The following PRKN variants were observed in gnomAD, a reference collection of about 807,000 sequenced individuals.
PRKN encodes parkin RBR E3 ubiquitin protein ligase.
Under a neutral mutation model 59.5 loss-of-function variants are expected in PRKN, and 56 were observed. The observed-to-expected ratio is 0.94, with a 90% CI of 0.76 to 1.18. The LOEUF (loss-of-function observed/expected upper bound fraction) is 1.18, where lower values mean the gene tolerates loss of function less well. Ranked by LOEUF, PRKN falls within the 50% of genes most tolerant of loss-of-function variation. The pLI is 0.00. For synonymous variants in PRKN, 250 were observed against 222.1 expected, an observed-to-expected ratio of 1.13 and a Z score of -1.12; for missense variants, 657 against 596.4, an observed-to-expected ratio of 1.10 and a Z score of -1.06.
chr6:161,447,278 T>C lies in PRKN; in HGVS notation c.1084-60401A>G, dbSNP rs1276009438. Among the ~76,000 whole-genome samples, 1 of 152,168 alleles carries C rather than the reference T, an allele frequency of 6.6e-6. No individual in the cohort carries two copies. The highest frequency in any genetic ancestry group is 1.5e-5 in the Non-Finnish European group (1 of 68,020). The stretch of plus-strand genomic sequence containing the variant: ...CTTCGGTTCTCTCTGACATGCTCAA[T>C]CTAGGGTTTCCCGCGGCTAAACCCT... On this transcript the variant is annotated intron_variant, in intron 9 of 11. Coordinates refer to ENST00000366898, the MANE Select transcript of PRKN (RefSeq NM_004562.3). This position sits in a 1 kb window ranked among gnomAD's most constrained non-coding sequence, Gnocchi z 4.1.
In PRKN at chr6:161,390,763, A is replaced by G. The variant is rs1042053130; in HGVS notation, c.1084-3886T>C. Among the ~76,000 whole-genome samples, 2 of 152,190 alleles carry G rather than the reference A, an allele frequency of 1.3e-5. No individual in the cohort carries two copies. Among genetic ancestry groups the G allele is most frequent in the African/African-American group, 4.8e-5 (2 of 41,424 alleles). On this transcript the variant is annotated intron_variant, in intron 9 of 11. Transcript: ENST00000366898. The surrounding 1 kb of genome is among the most constrained non-coding windows in gnomAD (Gnocchi z 7.0). ...CTCGGCCTCCCAAAGTGCTGGGATT[A>G]CAGGCATGAGCCACCGTGCCTGGCC...
intron 9 of PRKN, among the ~76,000 whole-genome samples, chr6:161,418,602 A>G (rs1469591626): frequency 6.6e-6 from 1 of 152,202 alleles, no homozygotes; most frequent in Admixed American, 6.5e-5. Flanking sequence ...CATTTAGCAC[A>G]AACCATACCC....
rs369395635 is a variant in PRKN, at chr6:162,249,879, T to C, written c.412+12646A>G. On this transcript the variant is annotated intron_variant, in intron 3 of 11. Coordinates refer to ENST00000366898, the MANE Select transcript of PRKN (RefSeq NM_004562.3). ...AACCTTTGTGGGCTAGGTGCAGTGT[T>C]TAACGCCTGTAATCCAGCACTTTGG... is the stretch of plus-strand genomic sequence containing the variant. Among the ~76,000 whole-genome samples, 102 of 152,094 alleles carry C rather than the reference T, an allele frequency of 6.7e-4. 2 individuals are homozygous for C. The South Asian group carries it at 0.02, about 29-fold the overall frequency.
intron 9 of PRKN, among the ~76,000 whole-genome samples, chr6:161,472,440 G>A (rs767082815): frequency 7.2e-5 from 11 of 152,052 alleles, no homozygotes; most frequent in Non-Finnish European, 1.5e-4. Context: ...AATGGTATTG[G>A]GAAAACTGGA....
At chr6:161,824,809 T>C (rs943012483) in intron 6 of PRKN, among the ~76,000 whole-genome samples, 6 of 152,222 alleles carry the variant, frequency 3.9e-5, no homozygotes, top group African/African-American at 1.2e-4. Context: ...TGATTTGACA[T>C]GATATACTAA....
rs796186629 is a variant in PRKN at position 161,435,848 on chromosome 6, T to C, written c.1084-48971A>G. ...GGATTTCCTTTCCTCATGAAGTGTG[T>C]GGTTTCCTCAAGGACTGCCTGGGAG... On this transcript the variant is annotated intron_variant, in intron 9 of 11. Transcript: ENST00000366898. Among the ~76,000 whole-genome samples the C allele has an allele frequency of 4.0e-5, 5 of 126,142 alleles. 1 individual carries two copies. The highest frequency in any genetic ancestry group is 1.6e-4 in the African/African-American group (5 of 31,718). The allele number at this position is 126,142 out of a possible 152,430, so 82.8% of individuals were successfully genotyped here.
At chr6:162,203,181 A>G (rs929055737) in intron 3 of PRKN, among the ~76,000 whole-genome samples, 3 of 152,190 alleles carry the variant, frequency 2.0e-5, no homozygotes, top group African/African-American at 7.2e-5. Flanking sequence ...TCAGCTAATG[A>G]TATATCAACG....
chr6:162,421,203 C>T (rs1325324536), intron 2 of PRKN, among the ~76,000 whole-genome samples: 2 of 152,196 alleles, frequency 1.3e-5, no homozygotes, highest in Non-Finnish European at 2.9e-5. Context: ...AATAACCCTC[C>T]ATCAGGAAGG....
chr6:162,128,834 C>T (rs1224931671), intron 4 of PRKN, among the ~76,000 whole-genome samples: 1 of 152,122 alleles, frequency 6.6e-6, no homozygotes, highest in Non-Finnish European at 1.5e-5. Context: ...AAAGAAGGTG[C>T]CCATCTATGA....
chr6:162,291,147 A>G (rs1353088537), intron 2 of PRKN, among the ~76,000 whole-genome samples: 1 of 152,116 alleles, frequency 6.6e-6, no homozygotes, highest in African/African-American at 2.4e-5. Flanking sequence ...AGAAGAGAGA[A>G]ATGTGGAGGG....
At position 161,889,629 on chromosome 6, in the gene PRKN, A is replaced by T. The variant is rs148819569; in HGVS notation, c.734+83673T>A. On this transcript the variant is annotated intron_variant, in intron 6 of 11. Coordinates refer to ENST00000366898, the MANE Select transcript of PRKN (RefSeq NM_004562.3). ...GATTTGCAGTGAGGGAAGAGTTTTGAATCCTGGTTATGCCGGTAGCCACAG... is the reference window on the plus strand; with the variant it reads ...GATTTGCAGTGAGGGAAGAGTTTTGTATCCTGGTTATGCCGGTAGCCACAG... Among the ~76,000 whole-genome samples the T allele has an allele frequency of 5.2e-4, 79 of 152,348 alleles. 1 individual carries two copies. The highest frequency in any genetic ancestry group is 5.6e-4 in the Non-Finnish European group (38 of 68,036).
At chr6:162,718,240 C>T (rs1778800924) in intron 1 of PRKN, among the ~76,000 whole-genome samples, 1 of 152,144 alleles carries the variant, frequency 6.6e-6, no homozygotes, top group Non-Finnish European at 1.5e-5. Context: ...TCTCAAATAG[C>T]ATCCCCATCC....
At chr6:161,850,946 T>C (rs1037011351) in intron 6 of PRKN, among the ~76,000 whole-genome samples, 2 of 152,200 alleles carry the variant, frequency 1.3e-5, no homozygotes, top group Non-Finnish European at 2.9e-5. Context: ...GGTAACTGAG[T>C]TTATGCCTTG....
At chr6:162,210,783 T>G (rs1423523658) in intron 3 of PRKN, among the ~76,000 whole-genome samples, 1 of 152,144 alleles carries the variant, frequency 6.6e-6, no homozygotes, top group Non-Finnish European at 1.5e-5. Context: ...AACAATTACA[T>G]GATCTAGTCC....
At chr6:161,734,732 T>C (rs1305321514) in intron 7 of PRKN, among the ~76,000 whole-genome samples, 1 of 152,188 alleles carries the variant, frequency 6.6e-6, no homozygotes, top group African/African-American at 2.4e-5. Flanking sequence ...GTGAATTGAA[T>C]AAATCTTCCA....
chr6:161,439,291 T>C (rs1379893134), intron 9 of PRKN, among the ~76,000 whole-genome samples: 1 of 151,976 alleles, frequency 6.6e-6, no homozygotes, highest in African/African-American at 2.4e-5. Flanking sequence ...ATGGAGGAAA[T>C]CAAGAGGGCA....
intron 2 of PRKN, among the ~76,000 whole-genome samples, chr6:162,319,589 G>A (rs891806286): frequency 7.2e-5 from 11 of 152,026 alleles, no homozygotes; most frequent in East Asian, 1.9e-4. Context: ...ATACAAGTGC[G>A]TAACATTCAT....
At chr6:162,180,645 C>T (rs1783763408) in intron 4 of PRKN, among the ~76,000 whole-genome samples, 1 of 152,184 alleles carries the variant, frequency 6.6e-6, no homozygotes. Flanking sequence ...TTTCTCCCTT[C>T]CCCACATTGA....
intron 9 of PRKN, among the ~76,000 whole-genome samples, chr6:161,403,970 A>C (rs1787157962): frequency 6.6e-6 from 1 of 152,136 alleles, no homozygotes; most frequent in African/African-American, 2.4e-5. Context: ...TCAAGAGCCA[A>C]ATAAACTTTT....
Sources: gnomAD v4.1 joint callset for allele counts (sites outside exome capture counted in the v4.1 genomes callset) on GRCh38, gnomAD v4.1.1 for gene constraint, Gnocchi (gnomAD v3.1) non-coding constraint, MANE v1.5 for transcripts, NCBI Gene and HGNC (gene_info 2026-07-23, HGNC 2026-07-21) for gene names.